The following SSX2IP variants were observed in gnomAD, a reference collection of about 807,000 sequenced individuals.
The protein encoded by SSX2IP is SSX family member 2 interacting protein, also known as afadin- and alpha-actinin-binding protein.
In SSX2IP, 55 loss-of-function variants were observed where a neutral mutation model predicts 84.9. The ratio of observed to expected loss-of-function variants is 0.65; its 90% CI spans 0.52 to 0.81. The LOEUF (loss-of-function observed/expected upper bound fraction) is 0.81, where lower values mean the gene tolerates loss of function less well. SSX2IP is among the 30% of genes least tolerant of loss of function. The probability of loss-of-function intolerance (pLI) is 0.00; values close to 1 mark genes in which losing one functional copy is unlikely to be tolerated. For missense variants in SSX2IP, 664 were observed against 705.2 expected (o/e 0.94, Z 0.66); for synonymous variants, 239 against 234.7 (o/e 1.02, Z -0.17).
At chr1:84,670,904 A>G (rs1268857047) in intron 2 of SSX2IP, 89 bp from the exon 3 acceptor site, 1 of 972,978 alleles carries the variant, frequency 1.0e-6, no homozygotes, top group Admixed American at 2.5e-5. Flanking sequence ...TTTGAATTAC[A>G]TATATACATA....
chr1:84,665,683 C>T (rs368239012), intron 5 of SSX2IP, among the ~76,000 whole-genome samples: 1 of 152,126 alleles, frequency 6.6e-6, no homozygotes, highest in Non-Finnish European at 1.5e-5. Context: ...ATGTGAACTG[C>T]TTCTGTGCCC....
At chr1:84,654,670 G>A (rs1650811749) in intron 11 of SSX2IP, among the ~76,000 whole-genome samples, 1 of 152,038 alleles carries the variant, frequency 6.6e-6, no homozygotes, top group Non-Finnish European at 1.5e-5. Flanking sequence ...ATATCTCTCT[G>A]GGTGGCAAAG....
chr1:84,673,700 G>T (rs919773012), intron 1 of SSX2IP, among the ~76,000 whole-genome samples: 1 of 152,170 alleles, frequency 6.6e-6, no homozygotes, highest in East Asian at 1.9e-4. Context: ...ATGAATTAGG[G>T]ATGTGTTCTG....
chr1:84,664,280 C>G (rs1652460439), intron 6 of SSX2IP, 137 bp downstream of exon 6: 1 of 917,498 alleles, frequency 1.1e-6, no homozygotes, highest in South Asian at 2.8e-5. Flanking sequence ...TTTATATAAA[C>G]AAACACCACT....
At position 84,659,383 on chromosome 1, in the gene SSX2IP, G is replaced by A. The variant is rs771425159; in HGVS notation, c.928-915C>T. On this transcript the variant is annotated intron_variant, in intron 8 of 13. Coordinates refer to ENST00000342203, the MANE Select transcript of SSX2IP (RefSeq NM_001166293.2). ...CAGACAGGGGAATGGCCCAGGATCC[G>A]GCTCATGGTGATTCTAGCCCCTGCC... Among the ~76,000 whole-genome samples the A allele has an allele frequency of 5.3e-5, 8 of 152,238 alleles. No homozygotes were observed. In the South Asian group the frequency reaches 1.2e-3, roughly 24 times the overall value.
Position 84,662,721 on chromosome 1 carries a change from C to T in SSX2IP, c.674-191G>A, listed in dbSNP as rs182742435. On this transcript the variant is annotated intron_variant, in intron 6 of 13. Transcript: ENST00000342203. Reference sequence around the variant, plus strand: ...AATGAGATCTCGGCACATTATTTAACTGCTTAGCCTGTTTCTTCTTGGACA... The same window carrying T: ...AATGAGATCTCGGCACATTATTTAATTGCTTAGCCTGTTTCTTCTTGGACA... Among the ~76,000 whole-genome samples the T allele has an allele frequency of 2.0e-5, 3 of 152,240 alleles. No homozygotes were observed. The East Asian group carries it at 5.8e-4, about 29-fold the overall frequency.
In SSX2IP at chr1:84,671,242, C is replaced by T. The variant is rs778508952; in HGVS notation, c.-23G>A. The T allele has an allele frequency of 6.2e-7, 1 of 1,607,478 alleles. No homozygotes were observed. The highest frequency in any genetic ancestry group is 1.3e-5 in the African/African-American group (1 of 74,730). On this transcript the variant is annotated 5_prime_UTR_variant, in exon 2 of 14. Transcript: ENST00000342203. ...CATAGCAATCTCTAGAGCCAGGATA[C>T]CTGAGGAACTAGTTCAGCAGTTAAA...
At chr1:84,684,648 G>A (rs191458416) in intron 1 of SSX2IP, among the ~76,000 whole-genome samples, 57 of 152,240 alleles carry the variant, frequency 3.7e-4, no homozygotes, top group Admixed American at 1.6e-3. Context: ...CGTATGCCAG[G>A]AGGTGTGCAC....
intron 9 of SSX2IP, chr1:84,658,073 T>G (rs1570600326): frequency 2.7e-6 from 1 of 368,626 alleles, no homozygotes; most frequent in Non-Finnish European, 4.8e-6. Flanking sequence ...GAGGCGGAGG[T>G]TACAGTGAGC....
chr1:84,654,376 GT>G (rs1291124408), intron 11 of SSX2IP, among the ~76,000 whole-genome samples: 3 of 151,834 alleles, frequency 2.0e-5, no homozygotes, highest in African/African-American at 4.8e-5. Context: ...ATAATTCAAA[GT>G]TTTGAAGGAA....
At chr1:84,677,421 AC>A (rs936372883) in intron 1 of SSX2IP, among the ~76,000 whole-genome samples, 3 of 151,916 alleles carry the variant, frequency 2.0e-5, no homozygotes, top group Admixed American at 2.0e-4. Flanking sequence ...TTTTCCTTCT[AC>A]CCCAAAGACG....
At chr1:84,677,818 G>C (rs1379867189) in intron 1 of SSX2IP, among the ~76,000 whole-genome samples, 1 of 152,106 alleles carries the variant, frequency 6.6e-6, no homozygotes, top group African/African-American at 2.4e-5. Context: ...TTTAGAACTA[G>C]ATTTTACCTC....
intron 4 of SSX2IP, among the ~76,000 whole-genome samples, chr1:84,668,786 T>TG (rs1653108075): frequency 6.6e-6 from 1 of 151,290 alleles, no homozygotes; most frequent in Non-Finnish European, 1.5e-5. Context: ...TGGCGTGGGG[T>TG]GGGGGAGGAT....
chr1:84,676,057 T>C (rs571871527), intron 1 of SSX2IP, among the ~76,000 whole-genome samples: 116 of 152,344 alleles, frequency 7.6e-4, no homozygotes, highest in African/African-American at 2.7e-3. Context: ...GTCTTTAACC[T>C]TGGCAAAATA....
chr1:84,666,332 TATTAGTCAAAATCAA>T (rs1397614005), intron 4 of SSX2IP, 100 bp from the exon 5 acceptor site: 1 of 829,010 alleles, frequency 1.2e-6, no homozygotes. Context: ...TCCTAGTGTT[TATTAGTCAAAATCAA>T]ATGTTAGTGG....
At chr1:84,663,678 G>C (rs1652360936) in intron 6 of SSX2IP, among the ~76,000 whole-genome samples, 1 of 152,134 alleles carries the variant, frequency 6.6e-6, no homozygotes, top group African/African-American at 2.4e-5. Flanking sequence ...TCAAATCTAA[G>C]GTAAGACAGT....
In SSX2IP at chr1:84,686,986, C is replaced by CA. The variant is rs898423089; in HGVS notation, c.-90+3384dup. 1.4e-3 allele frequency among the ~76,000 whole-genome samples: 199 copies of CA among 146,348 alleles called. 1 individual carries two copies. Among genetic ancestry groups the CA allele is most frequent in the South Asian group, 5.2e-3 (24 of 4,616 alleles). On this transcript the variant is annotated intron_variant, in intron 1 of 13. Transcript: ENST00000342203. Reference sequence around the variant, plus strand: ...ACGCTCATGGATAGATCTAGCATGACAAAAAAAAAATCCTGTCTTTAAAGT... The same window carrying CA: ...ACGCTCATGGATAGATCTAGCATGACAAAAAAAAAAATCCTGTCTTTAAAGT...
intron 1 of SSX2IP, among the ~76,000 whole-genome samples, chr1:84,685,714 C>T (rs1204863350): frequency 6.6e-6 from 1 of 152,204 alleles, no homozygotes; most frequent in East Asian, 1.9e-4. Context: ...TTCTCTGAGC[C>T]TATCGCCTCA....
intron 6 of SSX2IP, 62 bp from the exon 7 acceptor site, chr1:84,662,592 A>C: frequency 1.9e-6 from 3 of 1,540,792 alleles, no homozygotes; most frequent in Non-Finnish European, 2.7e-6. Context: ...TAAAACTCTA[A>C]TGCATTCTAT....
Sources: allele counts gnomAD v4.1 joint callset (sites outside exome capture counted in the v4.1 genomes callset), GRCh38; gene constraint gnomAD v4.1.1; transcripts MANE v1.5; gene names NCBI Gene and HGNC (gene_info 2026-07-23, HGNC 2026-07-21).